The following DPP6 variants were observed in gnomAD, a reference collection of about 807,000 sequenced individuals.
The protein encoded by DPP6 is dipeptidyl peptidase like 6.
DPP6 carries 69 observed loss-of-function variants against 122.6 expected under a neutral mutation model. That is an observed-to-expected ratio of 0.56 (90% CI 0.46 to 0.69). The LOEUF is 0.69. Among genes scored for constraint, DPP6 ranks in the 30% least tolerant of loss-of-function variants. The probability of loss-of-function intolerance (pLI) is 0.00; values close to 1 mark genes in which losing one functional copy is unlikely to be tolerated. For synonymous variants in DPP6, 418 were observed against 433.1 expected, an observed-to-expected ratio of 0.97 and a Z score of 0.43; for missense variants, 928 against 1,116.9, an observed-to-expected ratio of 0.83 and a Z score of 2.41.
chr7:154,265,388 T>G (rs1348394810), intron 1 of DPP6, among the ~76,000 whole-genome samples: 1 of 152,212 alleles, frequency 6.6e-6, no homozygotes, highest in Non-Finnish European at 1.5e-5. Context: ...AAAGAAGGCC[T>G]CTCAGGACAT....
chr7:154,875,750 C>T lies in DPP6; in HGVS notation c.1884-156C>T, dbSNP rs1212620279. 6.6e-6 allele frequency among the ~76,000 whole-genome samples: 1 copy of T among 152,168 alleles called. No homozygotes were observed. Among genetic ancestry groups the T allele is most frequent in the Non-Finnish European group, 1.5e-5 (1 of 68,034 alleles). On this transcript the variant is annotated intron_variant, in intron 19 of 25. Coordinates refer to ENST00000377770, the MANE Select transcript of DPP6 (RefSeq NM_130797.4). This position sits in a 1 kb window ranked among gnomAD's most constrained non-coding sequence, Gnocchi z 4.5. ...TGGGGTGTGGATAACACCTGGCTCA[C>T]CTGCCCGGGGCAACAGAATCTGGGG... is the stretch of plus-strand genomic sequence containing the variant.
chr7:154,365,398 T>C (rs1473522295), intron 1 of DPP6, among the ~76,000 whole-genome samples: 3 of 152,220 alleles, frequency 2.0e-5, no homozygotes, highest in Non-Finnish European at 4.4e-5. Flanking sequence ...CACTTGCCTT[T>C]GGTCAAAGCT....
chr7:154,056,818 A>G (rs1294435801), intron 1 of DPP6, among the ~76,000 whole-genome samples: 1 of 152,148 alleles, frequency 6.6e-6, no homozygotes, highest in African/African-American at 2.4e-5. Flanking sequence ...CAACTTTACG[A>G]TTTCTTAACT....
intron 1 of DPP6, among the ~76,000 whole-genome samples, chr7:154,428,820 T>A (rs1402126323): frequency 6.6e-6 from 1 of 151,846 alleles, no homozygotes; most frequent in Non-Finnish European, 1.5e-5. Flanking sequence ...GCATACAGAG[T>A]GGTATAATAG....
chr7:153,855,569 A>C, the DPP6 span, among the ~76,000 whole-genome samples: 1 of 152,212 alleles, frequency 6.6e-6, no homozygotes, highest in Admixed American at 6.5e-5. Flanking sequence ...ACATGTGGTC[A>C]TGAAGGCTTT....
At chr7:154,717,728 T>C (rs1250105628) in intron 7 of DPP6, among the ~76,000 whole-genome samples, 1 of 152,224 alleles carries the variant, frequency 6.6e-6, no homozygotes, top group Non-Finnish European at 1.5e-5. Flanking sequence ...TATCTCAGCT[T>C]ACTGATTTCA....
chr7:154,532,848 T>G (rs1305603539), intron 3 of DPP6, among the ~76,000 whole-genome samples: 1 of 152,074 alleles, frequency 6.6e-6, no homozygotes, highest in African/African-American at 2.4e-5. Flanking sequence ...GTGGAGGAAA[T>G]AGCAGAAACA....
At chr7:154,119,223 G>A (rs1264766537) in intron 1 of DPP6, among the ~76,000 whole-genome samples, 2 of 152,350 alleles carry the variant, frequency 1.3e-5, no homozygotes, top group East Asian at 1.9e-4. Flanking sequence ...GGTGAATGAA[G>A]GAGGGGCCAT....
At chr7:153,960,737 T>TTGTGTG in intron 1 of DPP6, among the ~76,000 whole-genome samples, 1 of 132,702 alleles carries the variant, frequency 7.5e-6, no homozygotes, top group South Asian at 2.4e-4. Flanking sequence ...GTGTGCATAT[T>TTGTGTG]TGTGTGTGAT....
In DPP6 at chr7:154,727,880, G is replaced by A. The variant is rs760441586; in HGVS notation, c.876G>A (p.Leu292=). The A allele has an allele frequency of 1.2e-6, 2 of 1,611,704 alleles. No homozygotes were observed. Among genetic ancestry groups the A allele is most frequent in the South Asian group, 2.2e-5 (2 of 90,362 alleles). Reference sequence around the variant, plus strand: ...TTTACAATGGCCTCAGTGACTGGCTGTATGAAGGTAAGATGTGCACAGAGA... The same window carrying A: ...TTTACAATGGCCTCAGTGACTGGCTATATGAAGGTAAGATGTGCACAGAGA... ...GVIYNGLSDW[L]YEEEILKTHI... The change falls in exon 8 of 26, where the codon CTG becomes CTA. Residue 292 remains leucine, a synonymous_variant. Coordinates refer to ENST00000377770, the MANE Select transcript of DPP6 (RefSeq NM_130797.4).
At chr7:153,884,705 G>A (rs141284796), upstream of DPP6, among the ~76,000 whole-genome samples, 126 of 152,226 alleles carry the variant, frequency 8.3e-4, no homozygotes, top group East Asian at 3.3e-3. Flanking sequence ...TCGGCCGGGC[G>A]CAGTGGCTCA....
chr7:153,980,486 T>TA (rs967243277), intron 1 of DPP6, among the ~76,000 whole-genome samples: 14 of 152,136 alleles, frequency 9.2e-5, no homozygotes, highest in East Asian at 7.7e-4. Flanking sequence ...GTTAATCTTT[T>TA]AAAAAAAACC....
chr7:153,766,346 T>C, the DPP6 span, among the ~76,000 whole-genome samples: 1 of 152,192 alleles, frequency 6.6e-6, no homozygotes, highest in Non-Finnish European at 1.5e-5. Flanking sequence ...GCCACTTGCA[T>C]TGAGTTTTTG....
rs770515048 is a variant in DPP6, at chr7:154,446,270, G to T, written c.300G>T (p.Leu100=). 6.2e-7 allele frequency: 1 copy of T among 1,612,276 alleles called. No homozygotes were observed. Among genetic ancestry groups the T allele is most frequent in the Non-Finnish European group, 8.5e-7 (1 of 1,178,988 alleles). ...ATTGGAAAGGAATAGCAATTGCACT[G>T]CTTGTCATTCTGGTCATCTGCTCCT... The part of the protein sequence containing the change: ...QRNWKGIAIA[L]LVILVICSLI... Residue 100 remains leucine, a synonymous_variant, in exon 2 of 26, where the codon CTG becomes CTT. Transcript: ENST00000377770.
At chr7:154,363,363 C>A (rs1181629650) in intron 1 of DPP6, among the ~76,000 whole-genome samples, 2 of 152,206 alleles carry the variant, frequency 1.3e-5, no homozygotes, top group Admixed American at 1.3e-4. Context: ...GTCCCCAGTG[C>A]TTCAAGAGAG....
upstream of DPP6, among the ~76,000 whole-genome samples, chr7:154,051,215 A>T (rs549557664): frequency 6.5e-4 from 80 of 122,356 alleles, 17 homozygotes; most frequent in South Asian, 0.02. Context: ...CCCTACCTCC[A>T]TGTGGAAGGA....
At chr7:153,983,597 T>TAA (rs759946070) in intron 1 of DPP6, among the ~76,000 whole-genome samples, 2 of 151,816 alleles carry the variant, frequency 1.3e-5, no homozygotes, top group Admixed American at 6.6e-5. Flanking sequence ...TGGGGTATGA[T>TAA]AAAAAACTCC....
chr7:153,950,923 G>C (rs770341959), intron 1 of DPP6, among the ~76,000 whole-genome samples: 5 of 152,192 alleles, frequency 3.3e-5, no homozygotes, highest in Non-Finnish European at 2.9e-5. Context: ...GTAGGTGTGC[G>C]TGCGGTGCCC....
intron 6 of DPP6, among the ~76,000 whole-genome samples, chr7:154,663,959 A>G (rs1450866184): frequency 1.0e-5 from 1 of 99,956 alleles, no homozygotes; most frequent in Non-Finnish European, 2.4e-5. Flanking sequence ...ACCATGGCGT[A>G]TTGGCGCTAG....
Sources: allele counts gnomAD v4.1 joint callset (sites outside exome capture counted in the v4.1 genomes callset), GRCh38; gene constraint gnomAD v4.1.1; non-coding constraint Gnocchi (gnomAD v3.1); transcripts MANE v1.5; gene names NCBI Gene and HGNC (gene_info 2026-07-23, HGNC 2026-07-21).